Variants in ALAS2 observed in about 807,000 individuals in gnomAD.
The protein encoded by ALAS2 is 5-aminolevulinate synthase, erythroid-specific, mitochondrial.
Under a neutral mutation model 33.7 loss-of-function variants are expected in ALAS2, and 3 were observed. The ratio of observed to expected loss-of-function variants is 0.09; its 90% confidence interval spans 0.04 to 0.23. ALAS2 has a LOEUF of 0.23. Ranked by LOEUF, ALAS2 falls within the 10% of genes least tolerant of loss-of-function variation. The pLI is 1.00. For missense variants in ALAS2, 304 were observed against 475.1 expected, an observed-to-expected ratio of 0.64 and a Z score of 3.35; for synonymous variants, 191 against 177.3, an observed-to-expected ratio of 1.08 and a Z score of -0.61.
intron 8 of ALAS2, 89 bp downstream of exon 8, chrX:55,015,489 C>G (rs1252819524): frequency 1.9e-6 from 2 of 1,075,697 alleles, no homozygotes; most frequent in Non-Finnish European, 2.6e-6. Flanking sequence ...TCCAAACAAC[C>G]CCTATAGCTT....
At position 55,021,122 on chromosome X, in the gene ALAS2, C is replaced by T. The variant is rs188389696; in HGVS notation, c.568G>A (p.Asp190Asn). 1.7e-6 allele frequency: 2 copies of T among 1,210,001 alleles called. No homozygotes were observed. The highest frequency in any genetic ancestry group is 3.5e-5 in the African/African-American group (2 of 57,220). The part of the protein sequence containing the change: ...HFSEASVASK[D>N]VSVWCSNDYL... The stretch of plus-strand genomic sequence containing the variant: ...TCATTACTACACCAGACGGACACAT[C>T]CTTTGAGGCCACAGATGCCTCAGAG... Residue 190 changes from aspartate (D) to asparagine (N), a missense_variant, in exon 5 of 11, where the codon GAT becomes AAT. Asp to Asn is a conservative substitution (Grantham distance 23). This residue lies in a region of ALAS2 where 138 missense variants were observed against 265.3 expected (regional missense o/e 0.52). Transcript: ENST00000650242.
intron 6 of ALAS2, 58 bp downstream of exon 6, chrX:55,020,262 A>C: frequency 9.0e-7 from 1 of 1,113,565 alleles, no homozygotes; most frequent in Non-Finnish European, 1.2e-6. Context: ...GAACCAGTGA[A>C]ACTGGATGCT....
At chrX:55,027,264 ATGC>A (rs983608973) in intron 1 of ALAS2, among the ~76,000 whole-genome samples, 1 of 110,821 alleles carries the variant, frequency 9.0e-6, no homozygotes, top group African/African-American at 3.3e-5. Context: ...ACATAAAAAA[ATGC>A]TGCCAGAAAT....
intron 6 of ALAS2, among the ~76,000 whole-genome samples, chrX:55,019,052 A>T (rs1006755222): frequency 9.0e-6 from 1 of 111,257 alleles, no homozygotes; most frequent in African/African-American, 3.3e-5. Flanking sequence ...AATCAGCAGG[A>T]GGTGAGGAAG....
rs761369057 is a variant in ALAS2 at position 55,028,525 on chromosome X, T to C, written c.-16+2417A>G. Among the ~76,000 whole-genome samples, 8 of 111,750 alleles carry C rather than the reference T, an allele frequency of 7.2e-5. No homozygotes were observed. The South Asian group carries it at 3.0e-3, about 42-fold the overall frequency. On this transcript the variant is annotated intron_variant, in intron 1 of 10. Transcript: ENST00000650242. ...GGGATGGTGGAGAAGACCTACCTCC[T>C]GTATATAAAAACAGGAGAAATTAAC...
rs778970215 is a variant in ALAS2, at chrX:55,029,146, G to A, written c.-16+1796C>T. Among the ~76,000 whole-genome samples the A allele has an allele frequency of 7.2e-5, 8 of 111,406 alleles. No homozygotes were observed. In the East Asian group the frequency reaches 1.4e-3, roughly 20 times the overall value. On this transcript the variant is annotated intron_variant, in intron 1 of 10. Coordinates refer to ENST00000650242, the MANE Select transcript of ALAS2 (RefSeq NM_000032.5). ...CATTTCCCATGTAGAAAAAATGAAC[G>A]TACAGCCAAGGGAAGTCACATGAAT...
At chrX:55,025,020 C>T (rs1935869230) in intron 2 of ALAS2, among the ~76,000 whole-genome samples, 180 bp from the exon 3 acceptor site, 2 of 111,605 alleles carry the variant, frequency 1.8e-5, no homozygotes, top group Admixed American at 1.9e-4. Context: ...ATGGCATACA[C>T]TGAAGACACA....
At chrX:55,030,170 T>C (rs1397397970) in intron 1 of ALAS2, among the ~76,000 whole-genome samples, 1 of 111,068 alleles carries the variant, frequency 9.0e-6, no homozygotes, top group Admixed American at 9.6e-5. Flanking sequence ...AAATCAAAAC[T>C]AGAAAGGGTG....
intron 6 of ALAS2, among the ~76,000 whole-genome samples, chrX:55,019,393 T>C (rs1360781677): frequency 9.0e-6 from 1 of 111,449 alleles, no homozygotes; most frequent in Non-Finnish European, 1.9e-5. Flanking sequence ...GTAGGTGCTT[T>C]GTGGCTGGGA....
chrX:55,022,621 C>A (rs1212118200), intron 4 of ALAS2, among the ~76,000 whole-genome samples: 3 of 111,486 alleles, frequency 2.7e-5, no homozygotes, highest in East Asian at 2.8e-4. Context: ...GTATTAATAT[C>A]AAAAATGTAC....
rs181548194 is a variant in ALAS2, at chrX:55,020,848, C to T, written c.638+204G>A. On this transcript the variant is annotated intron_variant, in intron 5 of 10. Coordinates refer to ENST00000650242, the MANE Select transcript of ALAS2 (RefSeq NM_000032.5). ...TGCTTGGTCTCCCATCCTTCCCCTC[C>T]ATAGCATTGGACACCGAAGAGTTTG... Among the ~76,000 whole-genome samples the T allele has an allele frequency of 4.1e-4, 46 of 112,203 alleles. No individual in the cohort carries two copies. The East Asian group carries it at 6.4e-3, about 16-fold the overall frequency.
intron 4 of ALAS2, among the ~76,000 whole-genome samples, chrX:55,022,276 T>G (rs1935816402): frequency 8.9e-6 from 1 of 111,841 alleles, no homozygotes; most frequent in Non-Finnish European, 1.9e-5. Context: ...ATATCAAAAG[T>G]TTTTTAAATG....
intron 1 of ALAS2, among the ~76,000 whole-genome samples, chrX:55,029,101 T>C (rs1448248823): frequency 1.8e-5 from 2 of 111,924 alleles, no homozygotes; most frequent in African/African-American, 6.5e-5. Context: ...ATTGATAGAC[T>C]TTATTATTTT....
rs1378077026 is a variant in ALAS2 at position 55,021,286 on chromosome X, G to C, written c.416-12C>G. The C allele has an allele frequency of 1.7e-6, 2 of 1,179,003 alleles. No homozygotes were observed. Among genetic ancestry groups the C allele is most frequent in the East Asian group, 5.9e-5 (2 of 33,750 alleles). Reference sequence around the variant, plus strand: ...GAAGACATAGTTTCCTGCAGGAGCAGATATGAGGATGAAAAGAATTCGTTT... The same window carrying C: ...GAAGACATAGTTTCCTGCAGGAGCACATATGAGGATGAAAAGAATTCGTTT... On this transcript the variant is annotated splice_polypyrimidine_tract_variant and intron_variant, in intron 4 of 10. Coordinates refer to ENST00000650242, the MANE Select transcript of ALAS2 (RefSeq NM_000032.5).
chrX:55,020,752 G>A (rs1169105337), intron 5 of ALAS2, among the ~76,000 whole-genome samples: 1 of 111,090 alleles, frequency 9.0e-6, no homozygotes, highest in Non-Finnish European at 1.9e-5. Flanking sequence ...GGAAGACCTA[G>A]AGGAAGTCAC....
intron 10 of ALAS2, 138 bp from the exon 11 acceptor site, chrX:55,009,481 G>T: frequency 3.4e-6 from 2 of 581,093 alleles, no homozygotes; most frequent in East Asian, 3.6e-5. Flanking sequence ...CCTACTGTTT[G>T]CTTCTGTGTG....
At chrX:55,018,667 C>T (rs1212798404) in intron 6 of ALAS2, among the ~76,000 whole-genome samples, 2 of 110,501 alleles carry the variant, frequency 1.8e-5, no homozygotes, top group Admixed American at 9.7e-5. Flanking sequence ...AAGGTGAGAC[C>T]GAAGAGATAC....
At chrX:55,012,932 T>A (rs1935627340) in intron 10 of ALAS2, among the ~76,000 whole-genome samples, 1 of 112,160 alleles carries the variant, frequency 8.9e-6, no homozygotes, top group South Asian at 3.7e-4. Flanking sequence ...CAATCCAGTC[T>A]CTATCTCATG....
In ALAS2 at chrX:55,028,115, C is replaced by A. The variant is rs936105165; in HGVS notation, c.-15-2100G>T. 2.6e-4 allele frequency among the ~76,000 whole-genome samples: 29 copies of A among 111,465 alleles called. 1 individual carries two copies. The Admixed American group carries it at 2.7e-3, about 10-fold the overall frequency. On this transcript the variant is annotated intron_variant, in intron 1 of 10. Coordinates refer to ENST00000650242, the MANE Select transcript of ALAS2 (RefSeq NM_000032.5). ...GGTAGGTAAGGAATTGGATCCAGTG[C>A]CTACCTCATATCTGGAGATATGTGT...
Sources: allele counts gnomAD v4.1 joint callset (sites outside exome capture counted in the v4.1 genomes callset), GRCh38; gene constraint gnomAD v4.1.1; regional missense constraint gnomAD v4.1.1; transcripts MANE v1.5; gene names NCBI Gene and HGNC (gene_info 2026-07-23, HGNC 2026-07-21).